The following ANO1 variants were observed in gnomAD, a reference collection of about 807,000 sequenced individuals.
ANO1 encodes anoctamin 1, also known as anoctamin-1.
In ANO1, 59 loss-of-function variants were observed where a neutral mutation model predicts 124.0. That is an observed-to-expected ratio of 0.48 (90% CI 0.39 to 0.59). ANO1 has a LOEUF of 0.59. Ranked by LOEUF, ANO1 falls within the 20% of genes least tolerant of loss-of-function variation. The pLI is 0.00. For missense variants in ANO1, 1,059 were observed against 1,328.0 expected, an observed-to-expected ratio of 0.80 and a Z score of 3.15; for synonymous variants, 529 against 532.0, an observed-to-expected ratio of 0.99 and a Z score of 0.08.
chr11:70,105,673 A>C, intron 4 of ANO1, 61 bp from the exon 5 acceptor site: 1 of 1,533,898 alleles, frequency 6.5e-7, no homozygotes. Context: ...AGGGCCTTGA[A>C]ACCCAGAGAA....
At chr11:69,967,006 A>G in the ANO1 span, among the ~76,000 whole-genome samples, 1 of 152,132 alleles carries the variant, frequency 6.6e-6, no homozygotes, top group Non-Finnish European at 1.5e-5. Flanking sequence ...GGCACTGGGA[A>G]ATGTTTACAG....
chr11:70,101,095 G>A (rs559543058), intron 2 of ANO1, among the ~76,000 whole-genome samples: 4 of 152,038 alleles, frequency 2.6e-5, no homozygotes, highest in Admixed American at 6.5e-5. Flanking sequence ...TCAGGAAGAA[G>A]CATGGGATGA....
intron 1 of ANO1, among the ~76,000 whole-genome samples, chr11:70,046,863 C>G (rs1191731418): frequency 2.0e-5 from 3 of 152,018 alleles, no homozygotes; most frequent in African/African-American, 4.8e-5. Context: ...CACCTGAGGT[C>G]AGGAGTTCAA....
intron 1 of ANO1, among the ~76,000 whole-genome samples, chr11:70,059,855 T>G (rs946161986): frequency 6.6e-6 from 1 of 152,042 alleles, no homozygotes; most frequent in Non-Finnish European, 1.5e-5. Context: ...GAGCAGGTTT[T>G]CAGAAGAAGA....
At chr11:70,155,033 G>A (rs1018799213) in intron 14 of ANO1, among the ~76,000 whole-genome samples, 2 of 152,208 alleles carry the variant, frequency 1.3e-5, no homozygotes, top group East Asian at 1.9e-4. Context: ...GCGGCATCCC[G>A]GCCCCCAAGC....
intron 8 of ANO1, among the ~76,000 whole-genome samples, chr11:70,120,460 T>C (rs1893083): frequency 0.84 from 127,719 of 152,108 alleles, 53,747 homozygotes; most frequent in Middle Eastern, 0.91. Context: ...TGGGCCCTGT[T>C]GGGGAGAGGG....
chr11:70,126,639 G>A (rs941141753), intron 10 of ANO1, among the ~76,000 whole-genome samples: 2 of 150,808 alleles, frequency 1.3e-5, no homozygotes, highest in East Asian at 2.0e-4. Context: ...GCTGGTGTTC[G>A]CGGGAGGTGA....
the ANO1 span, among the ~76,000 whole-genome samples, chr11:69,973,879 A>C: frequency 6.6e-6 from 1 of 151,738 alleles, no homozygotes; most frequent in African/African-American, 2.4e-5. Context: ...CTAAAAAAAA[A>C]AAAAATTGGA....
At chr11:70,170,623 G>A (rs149992301) in intron 21 of ANO1, among the ~76,000 whole-genome samples, 73 of 152,288 alleles carry the variant, frequency 4.8e-4, no homozygotes, top group African/African-American at 1.3e-3. Context: ...GAGCATTCCC[G>A]TTACTCAAGA....
chr11:70,049,796 C>T lies in ANO1; in HGVS notation c.59-28746C>T, dbSNP rs150431760. On this transcript the variant is annotated intron_variant, in intron 1 of 27. Transcript: ENST00000531349. ...AGTACAGTGGCGCAATCTCAGCTCA[C>T]TGCAACCTCCACCTCCCTGGTTCAA... Among the ~76,000 whole-genome samples the T allele has an allele frequency of 2.7e-3, 417 of 152,284 alleles. 3 individuals carry two copies. The highest frequency in any genetic ancestry group is 9.4e-3 in the African/African-American group (391 of 41,548).
intron 1 of ANO1, among the ~76,000 whole-genome samples, chr11:69,991,403 A>T (rs1856152004): frequency 1.3e-5 from 2 of 152,160 alleles, no homozygotes; most frequent in Admixed American, 1.3e-4. Flanking sequence ...AAGCCCAGAG[A>T]CAGATTCCTC....
chr11:70,040,049 C>T (rs1223073361), intron 1 of ANO1, among the ~76,000 whole-genome samples: 2 of 152,166 alleles, frequency 1.3e-5, no homozygotes, highest in Non-Finnish European at 2.9e-5. Context: ...TGGGTATTCT[C>T]TTCTCAAAGG....
At chr11:70,157,765 G>A (rs2047876717) in intron 16 of ANO1, among the ~76,000 whole-genome samples, 3 of 152,202 alleles carry the variant, frequency 2.0e-5, no homozygotes, top group Admixed American at 1.3e-4. Context: ...GCCGAGGCAG[G>A]AAGATTGCTT....
At position 70,067,323 on chromosome 11, in the gene ANO1, G is replaced by GGTTTTTTTTTTTTTTTTTTT. The variant is rs1555008734; in HGVS notation, c.59-11219_59-11218insGTTTTTTTTTTTTTTTTTTT. Among the ~76,000 whole-genome samples the GGTTTTTTTTTTTTTTTTTTT allele has an allele frequency of 1.6e-5, 2 of 126,536 alleles. 1 individual carries two copies. The allele number at this position is 126,536 out of a possible 152,430, so 83.0% of individuals were successfully genotyped here. A position where few individuals can be genotyped will look rare whatever the true frequency, so the allele number is the denominator to read the frequency against. On this transcript the variant is annotated intron_variant, in intron 1 of 27. Coordinates refer to the ANO1 transcript ENST00000531349. The stretch of plus-strand genomic sequence containing the variant: ...TCCAAGGGGACAAGGAATCGTGGGT[G>GGTTTTTTTTTTTTTTTTTTT]TTTTTTTTTTTTTTTTTTTTTTGAG...
At position 70,189,429 on chromosome 11, in the gene ANO1, A is replaced by G. The variant is rs1330582125; in HGVS notation, c.*1425A>G. The G allele has an allele frequency of 2.6e-5, 4 of 152,666 alleles. No homozygotes were observed. The highest frequency in any genetic ancestry group is 4.4e-5 in the Non-Finnish European group (3 of 68,044). The allele number at this position is 152,666 out of a possible 1,614,324, so 9.5% of individuals were successfully genotyped here. ...CTGTATTAAAAATTAGGCAATTACC[A>G]AAAATCCTTTTATGGAAACCATTTT... On this transcript the variant is annotated 3_prime_UTR_variant, in exon 26 of 26. Transcript: ENST00000355303.
At chr11:70,152,174 A>G (rs545636718) in intron 12 of ANO1, among the ~76,000 whole-genome samples, 1 of 152,056 alleles carries the variant, frequency 6.6e-6, no homozygotes, top group Admixed American at 6.5e-5. Context: ...GTCTCTACTA[A>G]AAATACAAAA....
chr11:70,121,447 T>G (rs2046264891), intron 8 of ANO1, among the ~76,000 whole-genome samples: 1 of 149,396 alleles, frequency 6.7e-6, no homozygotes, highest in South Asian at 2.2e-4. Context: ...TCTGTCTCTG[T>G]CTCTCCATCT....
intron 23 of ANO1, among the ~76,000 whole-genome samples, chr11:70,181,460 C>T (rs528787331): frequency 3.9e-4 from 60 of 152,358 alleles, no homozygotes; most frequent in Admixed American, 2.2e-3. Flanking sequence ...AGTGTGCACA[C>T]CGGGATGGCC....
chr11:70,133,085 C>T (rs74675680), intron 11 of ANO1, among the ~76,000 whole-genome samples: 1 of 152,220 alleles, frequency 6.6e-6, no homozygotes, highest in South Asian at 2.1e-4. Context: ...CTGCTTGGGG[C>T]AGGCTCCCGG....
Sources: gnomAD v4.1 joint callset for allele counts (sites outside exome capture counted in the v4.1 genomes callset) on GRCh38, gnomAD v4.1.1 for gene constraint, MANE v1.5 for transcripts, NCBI Gene and HGNC (gene_info 2026-07-23, HGNC 2026-07-21) for gene names.